TRIM3: variants seen among roughly 807,000 people sequenced by gnomAD.
TRIM3 encodes tripartite motif-containing protein 3.
TRIM3 carries 13 observed loss-of-function variants against 66.6 expected under a neutral mutation model. The observed-to-expected ratio is 0.20, with a 90% CI of 0.13 to 0.31. The LOEUF (loss-of-function observed/expected upper bound fraction) is 0.31. Among genes scored for constraint, TRIM3 ranks in the 10% least tolerant of loss-of-function variants. The pLI, the probability that TRIM3 is intolerant of heterozygous loss-of-function variation, is 1.00. For missense variants in TRIM3, 711 were observed against 1,020.4 expected (o/e 0.70, Z 4.13); for synonymous variants, 406 against 411.7 (o/e 0.99, Z 0.17).
rs1437866754 is a variant in TRIM3, at chr11:6,458,691, T to A, written c.132-395A>T. Among the ~76,000 whole-genome samples, 2 of 152,198 alleles carry A rather than the reference T, an allele frequency of 1.3e-5. No individual in the cohort carries two copies. Among genetic ancestry groups the A allele is most frequent in the Non-Finnish European group, 2.9e-5 (2 of 68,042 alleles). ...CTGGGGACAAAAAGATAAAGCACAG[T>A]GCCTACCCTTAAAATACTTCCCATC... is the stretch of plus-strand genomic sequence containing the variant. On this transcript the variant is annotated intron_variant, in intron 2 of 11. Coordinates refer to ENST00000345851, the MANE Select transcript of TRIM3 (RefSeq NM_033278.4). The surrounding 1 kb of genome is among the most constrained non-coding windows in gnomAD (Gnocchi z 6.2).
chr11:6,465,133 CT>C (rs1340166073), intron 2 of TRIM3, among the ~76,000 whole-genome samples: 1 of 151,970 alleles, frequency 6.6e-6, no homozygotes, highest in East Asian at 1.9e-4. Context: ...CCATAGAAGC[CT>C]AGAGGCTGGG....
intron 2 of TRIM3, 115 bp downstream of exon 2, chr11:6,465,450 T>A: frequency 7.5e-7 from 1 of 1,329,116 alleles, no homozygotes; most frequent in South Asian, 1.3e-5. Context: ...CAGGTAAGCA[T>A]GTTGCCTCAC....
upstream of TRIM3, chr11:6,474,058 C>T (rs1383329475): frequency 7.0e-6 from 1 of 143,560 alleles, no homozygotes; most frequent in Non-Finnish European, 1.5e-5. Flanking sequence ...ACCCCGCCTG[C>T]CCACCCCTAC....
At position 6,456,419 on chromosome 11, in the gene TRIM3, T is replaced by C. The variant is rs1369483379; in HGVS notation, c.1307A>G (p.Lys436Arg). 6.5e-7 allele frequency: 1 copy of C among 1,532,602 alleles called. No homozygotes were observed. Among genetic ancestry groups the C allele is most frequent in the Admixed American group, 2.0e-5 (1 of 49,504 alleles). 94.9% of individuals were successfully genotyped at this position (1,532,602 alleles called of 1,614,324 possible). A position where few individuals can be genotyped will look rare whatever the true frequency, so the allele number is the denominator to read the frequency against. ...PSPDDVKRRV[K>R]SPGGPGSHVR... Reference sequence around the variant, plus strand: ...ATGGCTGCCGGGGCCGCCAGGGGACTTGACACGGCGCTTCACATCGTCCGG... The same window carrying C: ...ATGGCTGCCGGGGCCGCCAGGGGACCTGACACGGCGCTTCACATCGTCCGG... The change falls in exon 6 of 12, where the codon AAG (lysine) becomes AGG (arginine). Residue 436 changes from lysine to arginine, a missense_variant. Around this residue, in one of 3 missense-constraint regions of TRIM3, gnomAD observed 399 missense variants for 458.1 expected, o/e 0.87. Transcript: ENST00000345851. This position sits in a 1 kb window ranked among gnomAD's most constrained non-coding sequence, Gnocchi z 6.4.
rs1282208871 is a variant in TRIM3, at chr11:6,450,164, T to C, written c.1941+387A>G. The C allele has an allele frequency of 5.2e-6, 1 of 191,896 alleles. No homozygotes were observed. Among genetic ancestry groups the C allele is most frequent in the Non-Finnish European group, 1.1e-5 (1 of 93,286 alleles). The allele number at this position is 191,896 out of a possible 1,614,324, so 11.9% of individuals were successfully genotyped here. ...TTTGTCTCAAACACTCTCGTCCTCC[T>C]CTGCCTTCCATTTAATTCCCACTTG... is the stretch of plus-strand genomic sequence containing the variant. On this transcript the variant is annotated intron_variant, in intron 10 of 11. Coordinates refer to ENST00000345851, the MANE Select transcript of TRIM3 (RefSeq NM_033278.4). This position sits in a 1 kb window ranked among gnomAD's most constrained non-coding sequence, Gnocchi z 4.8.
chr11:6,454,905 T>C (rs895499713), intron 7 of TRIM3, among the ~76,000 whole-genome samples: 2 of 152,156 alleles, frequency 1.3e-5, no homozygotes, highest in Non-Finnish European at 2.9e-5. Context: ...GTAAGGATCT[T>C]CAGCGAAAAG....
intron 2 of TRIM3, among the ~76,000 whole-genome samples, chr11:6,462,279 T>C (rs530895491): frequency 2.0e-5 from 3 of 152,324 alleles, no homozygotes; most frequent in Admixed American, 1.3e-4. Context: ...CACTAGAACA[T>C]CCTCTGAGAG....
At chr11:6,452,772 T>C (rs1564962770) in intron 7 of TRIM3, 1 of 152,204 alleles carries the variant, frequency 6.6e-6, no homozygotes, top group Non-Finnish European at 1.5e-5. Context: ...GGTGAGGTAA[T>C]GCCCCTCCAG....
chr11:6,461,435 A>G (rs552610392), intron 2 of TRIM3, among the ~76,000 whole-genome samples: 5 of 151,518 alleles, frequency 3.3e-5, no homozygotes, highest in African/African-American at 1.2e-4. Context: ...CCCACTTCCA[A>G]TTGTGGACAT....
rs1345541016 is a variant in TRIM3, at chr11:6,465,515, C to T, written c.131+50G>A. The T allele has an allele frequency of 2.5e-6, 4 of 1,603,742 alleles. No individual in the cohort carries two copies. In the South Asian group the frequency reaches 4.4e-5, roughly 18 times the overall value. ...CCTCCCCACAGGGGAGGAGGATCCTCATCCTCCCCACAGGGTCCTCATCCC... is the reference window on the plus strand; with the variant it reads ...CCTCCCCACAGGGGAGGAGGATCCTTATCCTCCCCACAGGGTCCTCATCCC... On this transcript the variant is annotated intron_variant, in intron 2 of 11. Coordinates refer to ENST00000345851, the MANE Select transcript of TRIM3 (RefSeq NM_033278.4).
At chr11:6,452,097 G>A (rs767288892) in intron 7 of TRIM3, 1 of 152,742 alleles carries the variant, frequency 6.5e-6, no homozygotes, top group Non-Finnish European at 1.5e-5. Flanking sequence ...TATGTAGGAG[G>A]TAGGCTCATG....
Position 6,449,540 on chromosome 11 carries a change from C to A in TRIM3, c.1942-94G>T. ...AGGGTGAAGCCCCAGGGCTGAGAAC[C>A]CCCACCCAGATCTACAGCTACAGCC... On this transcript the variant is annotated intron_variant, in intron 10 of 11. Coordinates refer to ENST00000345851, the MANE Select transcript of TRIM3 (RefSeq NM_033278.4). The surrounding 1 kb of genome is among the most constrained non-coding windows in gnomAD (Gnocchi z 5.3). The A allele has an allele frequency of 7.7e-7, 1 of 1,290,502 alleles. No individual in the cohort carries two copies. The highest frequency in any genetic ancestry group is 2.5e-5 in the East Asian group (1 of 40,340). 79.9% of individuals were successfully genotyped at this position (1,290,502 alleles called of 1,614,324 possible).
chr11:6,470,438 C>G (rs1031543233), intron 1 of TRIM3, among the ~76,000 whole-genome samples: 1 of 152,160 alleles, frequency 6.6e-6, no homozygotes. Context: ...GGGTCTTACT[C>G]TGTTGTCCAG....
Position 6,449,477 on chromosome 11 carries a change from C to G in TRIM3, c.1942-31G>C, listed in dbSNP as rs751350770. 3 of 1,599,912 alleles carry G rather than the reference C, an allele frequency of 1.9e-6. No homozygotes were observed. Among genetic ancestry groups the G allele is most frequent in the African/African-American group, 2.7e-5 (2 of 74,772 alleles). On this transcript the variant is annotated intron_variant, in intron 10 of 11. Transcript: ENST00000345851. The surrounding 1 kb of genome is among the most constrained non-coding windows in gnomAD (Gnocchi z 5.3). ...GGGGGAAGGGGCTAGGGACTGGGGA[C>G]CTGGCCTCAGGCAGAGGGTAGGGCT... is the stretch of plus-strand genomic sequence containing the variant.
At position 6,454,958 on chromosome 11, in the gene TRIM3, G is replaced by C. The variant is rs187176627; in HGVS notation, c.1533+1114C>G. 5.4e-4 allele frequency among the ~76,000 whole-genome samples: 82 copies of C among 152,226 alleles called. 1 individual carries two copies. Among genetic ancestry groups the C allele is most frequent in the Non-Finnish European group, 9.6e-4 (65 of 68,010 alleles). ...ATGTTTCGAAGAAGTAAAGTGCATG[G>C]TAGTTAGAAACAATCCCCTATAGGA... is the stretch of plus-strand genomic sequence containing the variant. On this transcript the variant is annotated intron_variant, in intron 7 of 11. Transcript: ENST00000345851.
At chr11:6,460,051 A>C (rs187616012) in intron 2 of TRIM3, among the ~76,000 whole-genome samples, 1 of 152,364 alleles carries the variant, frequency 6.6e-6, no homozygotes, top group African/African-American at 2.4e-5. Flanking sequence ...AGAGGGACAG[A>C]GCACTTAGCA....
chr11:6,449,557 G>A lies in TRIM3; in HGVS notation c.1942-111C>T. On this transcript the variant is annotated intron_variant, in intron 10 of 11. Transcript: ENST00000345851. The surrounding 1 kb of genome is among the most constrained non-coding windows in gnomAD (Gnocchi z 5.3). ...CTGAGAACCCCCACCCAGATCTACA[G>A]CTACAGCCCAAATCTGCTTCATAGG... The A allele has an allele frequency of 9.4e-7, 1 of 1,058,274 alleles. No individual in the cohort carries two copies. The highest frequency in any genetic ancestry group is 1.3e-6 in the Non-Finnish European group (1 of 742,324). The allele number at this position is 1,058,274 out of a possible 1,614,324, so 65.6% of individuals were successfully genotyped here.
At chr11:6,454,804 C>T (rs763042966) in intron 7 of TRIM3, among the ~76,000 whole-genome samples, 43 of 152,178 alleles carry the variant, frequency 2.8e-4, no homozygotes, top group Middle Eastern at 3.4e-3. Context: ...AGAGAGTAGC[C>T]GTCACTGAGG....
Position 6,449,480 on chromosome 11 carries a change from G to A in TRIM3, c.1942-34C>T. The A allele has an allele frequency of 6.3e-7, 1 of 1,597,116 alleles. No homozygotes were observed. The highest frequency in any genetic ancestry group is 8.6e-7 in the Non-Finnish European group (1 of 1,169,242). ...GGAAGGGGCTAGGGACTGGGGACCT[G>A]GCCTCAGGCAGAGGGTAGGGCTTTG... On this transcript the variant is annotated intron_variant, in intron 10 of 11. Transcript: ENST00000345851. This position sits in a 1 kb window ranked among gnomAD's most constrained non-coding sequence, Gnocchi z 5.3.
Sources: allele counts gnomAD v4.1 joint callset (sites outside exome capture counted in the v4.1 genomes callset), GRCh38; gene constraint gnomAD v4.1.1; regional missense constraint gnomAD v4.1.1; non-coding constraint Gnocchi (gnomAD v3.1); transcripts MANE v1.5; gene names NCBI Gene and HGNC (gene_info 2026-07-23, HGNC 2026-07-21).